The following MBL2 variants were observed in gnomAD, a reference collection of about 807,000 sequenced individuals.
The protein encoded by MBL2 is mannose-binding protein C.
A neutral mutation model predicts 12.7 loss-of-function variants in MBL2; 6 were observed. The observed-to-expected ratio is 0.47, with a 90% confidence interval of 0.26 to 0.94. The LOEUF is 0.94. MBL2 is among the 40% of genes least tolerant of loss of function. The pLI is 0.15. For missense variants in MBL2, 307 were observed against 295.2 expected (o/e 1.04, Z -0.29); for synonymous variants, 114 against 112.0 (o/e 1.02, Z -0.11).
In MBL2 at chr10:52,768,094, G is replaced by A. The variant is rs535901347; in HGVS notation, c.*43C>T. 2 of 1,546,814 alleles carry A rather than the reference G, an allele frequency of 1.3e-6. No individual in the cohort carries two copies. The highest frequency in any genetic ancestry group is 1.3e-5 in the South Asian group (1 of 79,128). On this transcript the variant is annotated 3_prime_UTR_variant, in exon 5 of 5. Coordinates refer to ENST00000674931, the MANE Select transcript of MBL2 (RefSeq NM_001378373.1). ...TTTTCAAGCATACTGTGGGCCTGTG[G>A]GTTGCAGTAAAAAGACAAGGAGGGC... is the stretch of plus-strand genomic sequence containing the variant.
chr10:52,771,920 C>G (rs891770123), intron 1 of MBL2, among the ~76,000 whole-genome samples: 1 of 152,166 alleles, frequency 6.6e-6, no homozygotes. Context: ...TATAAACATG[C>G]TTTCGGTGGC....
Position 52,767,533 on chromosome 10 carries a change from T to C in MBL2, c.*604A>G, listed in dbSNP as rs1840325100. ...TAGGGAGTCAAAAATGTCCCATATCTTAATCTAGAAAGTGAGTATATAGGT... is the reference window on the plus strand; with the variant it reads ...TAGGGAGTCAAAAATGTCCCATATCCTAATCTAGAAAGTGAGTATATAGGT... On this transcript the variant is annotated 3_prime_UTR_variant, in exon 5 of 5. Coordinates refer to ENST00000674931, the MANE Select transcript of MBL2 (RefSeq NM_001378373.1). 1 of 152,040 alleles carries C rather than the reference T, an allele frequency of 6.6e-6. No individual in the cohort carries two copies. The highest frequency in any genetic ancestry group is 1.9e-4 in the East Asian group (1 of 5,192). 9.4% of individuals were successfully genotyped at this position (152,040 alleles called of 1,614,324 possible). A position where few individuals can be genotyped will look rare whatever the true frequency, so the allele number is the denominator to read the frequency against.
chr10:52,768,056 G>T lies in MBL2; in HGVS notation c.*81C>A. On this transcript the variant is annotated 3_prime_UTR_variant, in exon 5 of 5. Coordinates refer to ENST00000674931, the MANE Select transcript of MBL2 (RefSeq NM_001378373.1). ...GAACAATACTGGATATGAGGAAATT[G>T]ATATAATTTATCTTTTCAAGCATAC... The T allele has an allele frequency of 6.7e-7, 1 of 1,483,518 alleles. No individual in the cohort carries two copies. The highest frequency in any genetic ancestry group is 9.0e-7 in the Non-Finnish European group (1 of 1,108,144). The allele number at this position is 1,483,518 out of a possible 1,614,324, so 91.9% of individuals were successfully genotyped here.
At chr10:52,770,845 G>A (rs902359606) in intron 2 of MBL2, 59 bp from the exon 3 acceptor site, 1 of 947,646 alleles carries the variant, frequency 1.1e-6, no homozygotes. Context: ...CTCTCTTCAA[G>A]AGTTTGATGC....
Position 52,767,129 on chromosome 10 carries a change from T to C in MBL2, c.*1008A>G, listed in dbSNP as rs1840316521. On this transcript the variant is annotated 3_prime_UTR_variant, in exon 5 of 5. Transcript: ENST00000674931. The stretch of plus-strand genomic sequence containing the variant: ...CTGAATACATGCTTTCCTCATCCTC[T>C]ACCAGTTCCACTCCTGGATAGGTAG... 1 of 152,034 alleles carries C rather than the reference T, an allele frequency of 6.6e-6. No homozygotes were observed. The highest frequency in any genetic ancestry group is 2.1e-4 in the South Asian group (1 of 4,828). 9.4% of individuals were successfully genotyped at this position (152,034 alleles called of 1,614,324 possible). A position where few individuals can be genotyped will look rare whatever the true frequency, so the allele number is the denominator to read the frequency against.
At chr10:52,771,302 T>C (rs1840388217) in intron 2 of MBL2, 147 bp downstream of exon 2, 5 of 953,764 alleles carry the variant, frequency 5.2e-6, no homozygotes, top group Non-Finnish European at 7.6e-6. Context: ...AATTCTGAGA[T>C]GCCAGAGAAT....
chr10:52,768,959 G>A (rs1232809530), intron 4 of MBL2, among the ~76,000 whole-genome samples: 1 of 152,012 alleles, frequency 6.6e-6, no homozygotes, highest in Non-Finnish European at 1.5e-5. Context: ...AGGGATATAA[G>A]TCCCATTTTC....
At chr10:52,769,811 A>G (rs1479420768) in intron 3 of MBL2, among the ~76,000 whole-genome samples, 1 of 152,118 alleles carries the variant, frequency 6.6e-6, no homozygotes, top group Non-Finnish European at 1.5e-5. Context: ...GATTTTTGTG[A>G]GTTGCCCATT....
Position 52,768,250 on chromosome 10 carries a change from C to T in MBL2, c.634G>A (p.Glu212Lys), listed in dbSNP as rs1245872723. The change falls in exon 5 of 5, where the codon GAA becomes AAA. Residue 212 changes from glutamate (E) to lysine (K), a missense_variant. Physicochemically the swap from Glu to Lys is moderately conservative, Grantham distance 56. Coordinates refer to ENST00000674931, the MANE Select transcript of MBL2 (RefSeq NM_001378373.1). Reference protein sequence around the residue: ...RLTYTNWNEGEPNNAGSDEDC... With the variant: ...RLTYTNWNEGKPNNAGSDEDC... ...TCATCAGAACCAGCATTGTTGGGTT[C>T]ACCCTCGTTCCAGTTTGTGTAGGTC... is the stretch of plus-strand genomic sequence containing the variant. 6.2e-7 allele frequency: 1 copy of T among 1,613,870 alleles called. No homozygotes were observed. The highest frequency in any genetic ancestry group is 1.7e-5 in the Admixed American group (1 of 59,994).
Position 52,768,239 on chromosome 10 carries a change from A to C in MBL2, c.645T>G (p.Asn215Lys). ...ATACACAATCTTCATCAGAACCAGC[A>C]TTGTTGGGTTCACCCTCGTTCCAGT... ...YTNWNEGEPN[N>K]AGSDEDCVLL... Residue 215 changes from asparagine to lysine, a missense_variant, in exon 5 of 5, where the codon AAT (asparagine) becomes AAG (lysine). Coordinates refer to ENST00000674931, the MANE Select transcript of MBL2 (RefSeq NM_001378373.1). The C allele has an allele frequency of 6.2e-7, 1 of 1,613,838 alleles. No individual in the cohort carries two copies. Among genetic ancestry groups the C allele is most frequent in the Non-Finnish European group, 8.5e-7 (1 of 1,180,006 alleles).
At position 52,771,511 on chromosome 10, in the gene MBL2, C is replaced by T; in HGVS notation, c.125G>A (p.Gly42Asp). 2.5e-6 allele frequency: 4 copies of T among 1,613,898 alleles called. No homozygotes were observed. The highest frequency in any genetic ancestry group is 3.4e-6 in the Non-Finnish European group (4 of 1,179,868). Reference sequence around the variant, plus strand: ...ATCTTTGCCTGGGAAGCCGTTGATGCCTGGAGAGCTACAGGCAATCACTGC... The same window carrying T: ...ATCTTTGCCTGGGAAGCCGTTGATGTCTGGAGAGCTACAGGCAATCACTGC... ...CPAVIACSSP[G>D]INGFPGKDGR... Residue 42 changes from glycine to aspartate, a missense_variant, in exon 2 of 5, where the codon GGC becomes GAC. Coordinates refer to ENST00000674931, the MANE Select transcript of MBL2 (RefSeq NM_001378373.1).
rs1465605199 is a variant in MBL2, at chr10:52,766,697, G to A, written c.*1440C>T. 2 of 152,108 alleles carry A rather than the reference G, an allele frequency of 1.3e-5. No individual in the cohort carries two copies. The highest frequency in any genetic ancestry group is 1.9e-4 in the East Asian group (1 of 5,184). 9.4% of individuals were successfully genotyped at this position (152,108 alleles called of 1,614,324 possible). A position where few individuals can be genotyped will look rare whatever the true frequency, so the allele number is the denominator to read the frequency against. ...GACTTTCTCAAAATTAGGAAATTTTGTTCATCAAAATTCAACATTAGGAGC... is the reference window on the plus strand; with the variant it reads ...GACTTTCTCAAAATTAGGAAATTTTATTCATCAAAATTCAACATTAGGAGC... On this transcript the variant is annotated 3_prime_UTR_variant, in exon 5 of 5. Coordinates refer to ENST00000674931, the MANE Select transcript of MBL2 (RefSeq NM_001378373.1).
Position 52,768,174 on chromosome 10 carries a change from G to A in MBL2, c.710C>T (p.Ser237Phe). 1.2e-6 allele frequency: 2 copies of A among 1,611,698 alleles called. No individual in the cohort carries two copies. The highest frequency in any genetic ancestry group is 2.7e-5 in the African/African-American group (2 of 74,814). ...CTCACAGACGGCCAGATGGGAGGTG[G>A]AGCAGGGGACGTCATTCCACTGGCC... ...KNGQWNDVPC[S>F]TSHLAVCEFP... The change falls in exon 5 of 5, where the codon TCC (serine) becomes TTC (phenylalanine). Residue 237 changes from serine to phenylalanine, a missense_variant. Transcript: ENST00000674931.
intron 1 of MBL2, among the ~76,000 whole-genome samples, chr10:52,772,374 AC>A (rs1366713784): frequency 1.3e-5 from 2 of 152,136 alleles, no homozygotes; most frequent in African/African-American, 4.8e-5. Context: ...GTCAAAAACC[AC>A]TGGCAATTAG....
chr10:52,770,822 A>G (rs779607048), intron 2 of MBL2, 36 bp from the exon 3 acceptor site: 4 of 1,165,362 alleles, frequency 3.4e-6, no homozygotes, highest in South Asian at 2.1e-5. Context: ...CTTAATATCT[A>G]TGTTCTTGCT....
In MBL2 at chr10:52,771,627, CAG is replaced by C; in HGVS notation, c.7_8del (p.Leu3ValfsTer23). 6.2e-7 allele frequency: 1 copy of C among 1,613,604 alleles called. No homozygotes were observed. Among genetic ancestry groups the C allele is most frequent in the East Asian group, 2.2e-5 (1 of 44,864 alleles). ...GGAGAAGGAGAGGGAGTGATGGAAA[CAG>C]GGACATGGTCCTCACCTTGGTGTGA... The part of the protein sequence containing the change: MS[L>X]FPSLPLLLLS... On this transcript the variant is annotated frameshift_variant, in exon 2 of 5. Coordinates refer to ENST00000674931, the MANE Select transcript of MBL2 (RefSeq NM_001378373.1). LOFTEE classifies it high-confidence loss of function.
At position 52,768,498 on chromosome 10, in the gene MBL2, G is replaced by A. The variant is rs1475452944; in HGVS notation, c.386C>T (p.Ser129Phe). ...CTTGTTCCCAACTTGTTTGCCCAGA[G>A]AGAAGGTGAGCCCTAAAATGTGAAA... ...MARIKKWLTF[S>F]LGKQVGNKFF... Residue 129 changes from serine (S) to phenylalanine (F), a missense_variant, in exon 5 of 5, where the codon TCT becomes TTT. Transcript: ENST00000674931. 7.0e-6 allele frequency: 11 copies of A among 1,569,986 alleles called. No individual in the cohort carries two copies. The highest frequency in any genetic ancestry group is 1.7e-4 in the Middle Eastern group (1 of 5,812).
rs1399803876 is a variant in MBL2, at chr10:52,766,391, C to A, written c.*1746G>T. 1.3e-5 allele frequency: 2 copies of A among 152,054 alleles called. No homozygotes were observed. Among genetic ancestry groups the A allele is most frequent in the Admixed American group, 6.6e-5 (1 of 15,260 alleles). The allele number at this position is 152,054 out of a possible 1,614,324, so 9.4% of individuals were successfully genotyped here. Reference sequence around the variant, plus strand: ...AACAGACACACACACATACAGTTACCTAACTTACAAAAATGCACCACCCTA... The same window carrying A: ...AACAGACACACACACATACAGTTACATAACTTACAAAAATGCACCACCCTA... On this transcript the variant is annotated 3_prime_UTR_variant, in exon 5 of 5. Coordinates refer to ENST00000674931, the MANE Select transcript of MBL2 (RefSeq NM_001378373.1).
rs1840309798 is a variant in MBL2 at position 52,766,688 on chromosome 10, G to C, written c.*1449C>G. Reference sequence around the variant, plus strand: ...AATAAATAAGACTTTCTCAAAATTAGGAAATTTTGTTCATCAAAATTCAAC... The same window carrying C: ...AATAAATAAGACTTTCTCAAAATTACGAAATTTTGTTCATCAAAATTCAAC... On this transcript the variant is annotated 3_prime_UTR_variant, in exon 5 of 5. Coordinates refer to ENST00000674931, the MANE Select transcript of MBL2 (RefSeq NM_001378373.1). 6.6e-6 allele frequency: 1 copy of C among 151,924 alleles called. No homozygotes were observed. The highest frequency in any genetic ancestry group is 1.5e-5 in the Non-Finnish European group (1 of 67,960). The allele number at this position is 151,924 out of a possible 1,614,324, so 9.4% of individuals were successfully genotyped here.
Sources: allele counts gnomAD v4.1 joint callset (sites outside exome capture counted in the v4.1 genomes callset), GRCh38; gene constraint gnomAD v4.1.1; transcripts MANE v1.5; gene names NCBI Gene and HGNC (gene_info 2026-07-23, HGNC 2026-07-21).